The following BLVRA variants were observed in gnomAD, a reference collection of about 807,000 sequenced individuals.
BLVRA encodes the protein biliverdin reductase A.
In BLVRA, 22 loss-of-function variants were observed where a neutral mutation model predicts 32.8. That is an observed-to-expected ratio of 0.67 (90% CI 0.48 to 0.96). The LOEUF is 0.96. Among genes scored for constraint, BLVRA ranks in the 40% least tolerant of loss-of-function variants. The pLI is 0.00. For synonymous variants in BLVRA, 119 were observed against 141.3 expected (o/e 0.84, Z 1.12); for missense variants, 323 against 358.1 (o/e 0.90, Z 0.79).
At chr7:43,800,275 T>C in intron 5 of BLVRA, 190 bp from the exon 6 acceptor site, 7 of 599,788 alleles carry the variant, frequency 1.2e-5, no homozygotes, top group Non-Finnish European at 2.1e-5. Context: ...TTCATTTCTG[T>C]TGTAAGCTTA....
chr7:43,796,724 C>T (rs926556328), intron 5 of BLVRA, among the ~76,000 whole-genome samples: 3 of 152,100 alleles, frequency 2.0e-5, no homozygotes, highest in African/African-American at 7.2e-5. Flanking sequence ...AACTTAAAAC[C>T]TTCTGTGCCT....
chr7:43,791,514 A>G, intron 4 of BLVRA, 146 bp downstream of exon 4: 1 of 808,612 alleles, frequency 1.2e-6, no homozygotes. Context: ...AGAAGTGTCA[A>G]AACATTAAGA....
At chr7:43,793,618 CTTTTTT>C (rs35816005) in intron 5 of BLVRA, among the ~76,000 whole-genome samples, 1 of 135,528 alleles carries the variant, frequency 7.4e-6, no homozygotes, top group Non-Finnish European at 1.6e-5. Flanking sequence ...TCTTTTACAA[CTTTTTT>C]TTTTTTTTTT....
intron 2 of BLVRA, among the ~76,000 whole-genome samples, chr7:43,774,889 C>T (rs1326759377): frequency 6.6e-6 from 1 of 152,138 alleles, no homozygotes; most frequent in Non-Finnish European, 1.5e-5. Flanking sequence ...CCATTTTATT[C>T]TCTTTGAAGC....
Position 43,788,072 on chromosome 7 carries a change from G to A in BLVRA, c.134+47G>A, listed in dbSNP as rs1011986155. On this transcript the variant is annotated intron_variant, in intron 3 of 7. Transcript: ENST00000265523. ...CTTCATAATTCATGGAAAGCCCAGT[G>A]AGGCGGATTAGCTGCAGGACATGGA... 9.9e-6 allele frequency: 16 copies of A among 1,613,998 alleles called. No individual in the cohort carries two copies. In the African/African-American group the frequency reaches 1.7e-4, roughly 17 times the overall value.
At chr7:43,762,606 CTTTTTTTTTTT>C (rs1162480081) in intron 1 of BLVRA, among the ~76,000 whole-genome samples, 8 of 100,862 alleles carry the variant, frequency 7.9e-5, no homozygotes, top group African/African-American at 3.2e-4. Context: ...CCAGTAGTTC[CTTTTTTTTTTT>C]TTTTTTTTTT....
At chr7:43,777,622 TG>T (rs1333469879) in intron 2 of BLVRA, among the ~76,000 whole-genome samples, 1 of 152,240 alleles carries the variant, frequency 6.6e-6, no homozygotes, top group African/African-American at 2.4e-5. Flanking sequence ...TTATATGTCT[TG>T]GAGTTGCTTT....
intron 1 of BLVRA, among the ~76,000 whole-genome samples, chr7:43,762,438 A>G (rs1001772281): frequency 6.6e-6 from 1 of 152,008 alleles, no homozygotes; most frequent in African/African-American, 2.4e-5. Context: ...TGTGGGAAAG[A>G]GACTGAAATC....
intron 3 of BLVRA, 88 bp downstream of exon 3, chr7:43,788,113 G>A: frequency 6.2e-7 from 1 of 1,604,576 alleles, no homozygotes; most frequent in Non-Finnish European, 8.5e-7. Flanking sequence ...TCCAGACCCA[G>A]GGCAGGGAGA....
At chr7:43,802,732 C>A (rs866865727) in intron 6 of BLVRA, among the ~76,000 whole-genome samples, 1 of 152,032 alleles carries the variant, frequency 6.6e-6, no homozygotes, top group Non-Finnish European at 1.5e-5. Flanking sequence ...AACTCCTGGG[C>A]GCAAGCAGTC....
rs549310496 is a variant in BLVRA at position 43,773,299 on chromosome 7, C to A, written c.12+2129C>A. Reference sequence around the variant, plus strand: ...GCTATCCCTCCCCTCTCCCCCCACCCCACAACAGTCCCCGGAGTTCGATGT... The same window carrying A: ...GCTATCCCTCCCCTCTCCCCCCACCACACAACAGTCCCCGGAGTTCGATGT... On this transcript the variant is annotated intron_variant, in intron 2 of 7. Transcript: ENST00000265523. 2.6e-5 allele frequency among the ~76,000 whole-genome samples: 4 copies of A among 152,098 alleles called. No homozygotes were observed. The East Asian group carries it at 7.7e-4, about 29-fold the overall frequency.
intron 2 of BLVRA, among the ~76,000 whole-genome samples, chr7:43,781,664 G>T (rs1293625109): frequency 6.6e-6 from 1 of 152,094 alleles, no homozygotes; most frequent in African/African-American, 2.4e-5. Context: ...GTACATAATT[G>T]TATTTTATAT....
At chr7:43,773,735 A>G (rs2095757276) in intron 2 of BLVRA, among the ~76,000 whole-genome samples, 1 of 152,212 alleles carries the variant, frequency 6.6e-6, no homozygotes, top group African/African-American at 2.4e-5. Context: ...CAAGGGTTGA[A>G]CTAGTTTACA....
intron 2 of BLVRA, among the ~76,000 whole-genome samples, chr7:43,784,360 GTGCACT>G: frequency 6.6e-6 from 1 of 152,122 alleles, no homozygotes; most frequent in African/African-American, 2.4e-5. Context: ...GCTAACCTGC[GTGCACT>G]TTCCCCTTTC....
intron 2 of BLVRA, among the ~76,000 whole-genome samples, chr7:43,773,195 A>G (rs1219094753): frequency 4.6e-5 from 7 of 152,054 alleles, no homozygotes; most frequent in Admixed American, 3.9e-4. Context: ...TGTGCAGGTT[A>G]GTTACATATG....
intron 1 of BLVRA, among the ~76,000 whole-genome samples, chr7:43,761,365 C>A (rs758697085): frequency 6.6e-6 from 1 of 152,088 alleles, no homozygotes; most frequent in Non-Finnish European, 1.5e-5. Context: ...CAGTGTTATC[C>A]AATAGAATTT....
chr7:43,769,648 C>T (rs1214788212), intron 1 of BLVRA, among the ~76,000 whole-genome samples: 1 of 151,440 alleles, frequency 6.6e-6, no homozygotes, highest in Non-Finnish European at 1.5e-5. Context: ...ACTCTGTCGC[C>T]CAGTCTGGGA....
At position 43,787,999 on chromosome 7, in the gene BLVRA, C is replaced by G. The variant is rs2132574774; in HGVS notation, c.108C>G (p.Phe36Leu). Reference protein sequence around the residue: ...DLRNPHPSSAFLNLIGFVSRR... With the variant: ...DLRNPHPSSALLNLIGFVSRR... The stretch of plus-strand genomic sequence containing the variant: ...GGAATCCACACCCTTCCTCAGCGTT[C>G]CTGAACCTGATTGGCTTCGTGTCGA... The change falls in exon 3 of 8, where the codon TTC becomes TTG. Residue 36 changes from phenylalanine to leucine, a missense_variant. Coordinates refer to ENST00000265523, the MANE Select transcript of BLVRA (RefSeq NM_000712.4). The surrounding 1 kb of genome is among the most constrained non-coding windows in gnomAD (Gnocchi z 4.5). 1 of 1,614,168 alleles carries G rather than the reference C, an allele frequency of 6.2e-7. No individual in the cohort carries two copies. Among genetic ancestry groups the G allele is most frequent in the Non-Finnish European group, 8.5e-7 (1 of 1,180,046 alleles).
intron 7 of BLVRA, among the ~76,000 whole-genome samples, chr7:43,804,830 C>G (rs545402734): frequency 6.6e-6 from 1 of 152,306 alleles, no homozygotes; most frequent in African/African-American, 2.4e-5. Context: ...GATGCCTTTG[C>G]AGAGAGGTGG....
Sources: gnomAD v4.1 joint callset for allele counts (sites outside exome capture counted in the v4.1 genomes callset) on GRCh38, gnomAD v4.1.1 for gene constraint, Gnocchi (gnomAD v3.1) non-coding constraint, MANE v1.5 for transcripts, NCBI Gene and HGNC (gene_info 2026-07-23, HGNC 2026-07-21) for gene names.